SEC23A: variants seen among roughly 807,000 people sequenced by gnomAD.
The protein encoded by SEC23A is SEC23 homolog A, COPII component.
SEC23A carries 56 observed loss-of-function variants against 103.7 expected under a neutral mutation model. That is an observed-to-expected ratio of 0.54 (90% CI 0.44 to 0.67). The LOEUF (loss-of-function observed/expected upper bound fraction) is 0.67. Ranked by LOEUF, SEC23A falls within the 30% of genes least tolerant of loss-of-function variation. SEC23A has a pLI of 0.00. For synonymous variants in SEC23A, 281 were observed against 293.0 expected (o/e 0.96, Z 0.42); for missense variants, 784 against 936.4 (o/e 0.84, Z 2.12).
At chr14:39,094,769 G>A (rs144297303) in intron 2 of SEC23A, 50 of 464,932 alleles carry the variant, frequency 1.1e-4, no homozygotes, top group African/African-American at 9.1e-4. Context: ...CAAGGTAGGA[G>A]TAAGTTTGGT....
intron 1 of SEC23A, among the ~76,000 whole-genome samples, chr14:39,098,007 T>G (rs1887946457): frequency 6.6e-6 from 1 of 151,816 alleles, no homozygotes; most frequent in South Asian, 2.1e-4. Context: ...GAGAATCGCT[T>G]GAACTGGGGG....
intron 7 of SEC23A, among the ~76,000 whole-genome samples, chr14:39,078,794 T>C (rs566775519): frequency 6.6e-6 from 1 of 151,802 alleles, no homozygotes; most frequent in South Asian, 2.1e-4. Flanking sequence ...CTCATATAAA[T>C]AGGAGCAAAG....
intron 7 of SEC23A, among the ~76,000 whole-genome samples, chr14:39,081,873 ATCT>A (rs1373256827): frequency 3.3e-5 from 5 of 152,346 alleles, no homozygotes; most frequent in African/African-American, 9.6e-5. Context: ...ATGCACATAC[ATCT>A]TCTTCTTAGC....
chr14:39,066,847 AG>A (rs909809799), intron 10 of SEC23A, among the ~76,000 whole-genome samples: 2 of 152,216 alleles, frequency 1.3e-5, no homozygotes, highest in Admixed American at 1.3e-4. Flanking sequence ...TGGGCGACAG[AG>A]GAAGACTCTG....
At chr14:39,043,023 C>T in intron 16 of SEC23A, 151 bp from the exon 17 acceptor site, 1 of 588,712 alleles carries the variant, frequency 1.7e-6, no homozygotes, top group Non-Finnish European at 3.0e-6. Flanking sequence ...GTCACCTAGG[C>T]TGGTGTGCAG....
intron 10 of SEC23A, among the ~76,000 whole-genome samples, chr14:39,065,360 A>C (rs8014485): frequency 0.016 from 2,477 of 152,072 alleles, 72 homozygotes; most frequent in African/African-American, 0.057. Context: ...GTCTCCCCCC[A>C]GTCTCTCCTG....
chr14:39,102,708 G>A (rs1226617061), intron 1 of SEC23A, among the ~76,000 whole-genome samples: 1 of 151,904 alleles, frequency 6.6e-6, no homozygotes, highest in East Asian at 1.9e-4. Flanking sequence ...AAGTCCAAGG[G>A]CCCAGAGGCG....
At chr14:39,041,398 C>A (rs374829109) in intron 17 of SEC23A, 4 of 2,130 alleles carry the variant, frequency 1.9e-3, no homozygotes, top group South Asian at 0.011. Context: ...CACCATAAAA[C>A]AAAGAAAAAG....
intron 5 of SEC23A, chr14:39,090,977 C>A: frequency 2.8e-6 from 1 of 351,026 alleles, no homozygotes. Context: ...ACAGTTGGTG[C>A]TGCACCTGCA....
In SEC23A at chr14:39,087,114, T is replaced by A; in HGVS notation, c.604-106A>T. The A allele has an allele frequency of 8.2e-6, 6 of 734,002 alleles. No homozygotes were observed. The Admixed American group carries it at 8.5e-5, about 10-fold the overall frequency. The allele number at this position is 734,002 out of a possible 1,614,324, so 45.5% of individuals were successfully genotyped here. A position where few individuals can be genotyped will look rare whatever the true frequency, so the allele number is the denominator to read the frequency against. On this transcript the variant is annotated intron_variant, in intron 5 of 19. Coordinates refer to ENST00000307712, the MANE Select transcript of SEC23A (RefSeq NM_006364.4). ...GTGCTAGACATTAGAAACACAAAAA[T>A]AAAAAATACAAGGTCTCCTTCCTCA... is the stretch of plus-strand genomic sequence containing the variant.
intron 9 of SEC23A, among the ~76,000 whole-genome samples, chr14:39,070,247 T>G (rs1886799962): frequency 6.6e-6 from 1 of 152,254 alleles, no homozygotes; most frequent in East Asian, 1.9e-4. Context: ...TCATTCATAT[T>G]TATTAGATGA....
chr14:39,098,699 G>A (rs1012258824), intron 1 of SEC23A, among the ~76,000 whole-genome samples: 8 of 151,674 alleles, frequency 5.3e-5, no homozygotes, highest in South Asian at 2.1e-4. Flanking sequence ...ACTTGAACCC[G>A]GGAGGTGGAG....
intron 9 of SEC23A, among the ~76,000 whole-genome samples, chr14:39,071,823 C>T (rs1566499151): frequency 6.6e-6 from 1 of 152,204 alleles, no homozygotes; most frequent in South Asian, 2.1e-4. Context: ...GAGATCACGC[C>T]ACTGCACTCC....
chr14:39,093,396 A>G (rs970964711), intron 2 of SEC23A, 152 bp from the exon 3 acceptor site: 2 of 611,362 alleles, frequency 3.3e-6, no homozygotes, highest in African/African-American at 3.7e-5. Context: ...AGTTTTAGAT[A>G]CTGCCAATAT....
At chr14:39,071,699 C>T (rs1221910099) in intron 9 of SEC23A, among the ~76,000 whole-genome samples, 1 of 151,852 alleles carries the variant, frequency 6.6e-6, no homozygotes, top group Admixed American at 6.6e-5. Context: ...CCAGTCTCTA[C>T]TAAAAATACA....
chr14:39,055,092 A>C, intron 14 of SEC23A, 51 bp downstream of exon 14: 2 of 1,602,828 alleles, frequency 1.2e-6, no homozygotes, highest in South Asian at 2.2e-5. Flanking sequence ...ACAAACATTT[A>C]CTACAAATGA....
chr14:39,046,078 T>C (rs1486064867), intron 15 of SEC23A, among the ~76,000 whole-genome samples: 3 of 152,186 alleles, frequency 2.0e-5, no homozygotes, highest in Non-Finnish European at 4.4e-5. Flanking sequence ...CCCCTGCACA[T>C]GCTCTCTTGC....
chr14:39,054,583 C>T (rs1407555802), intron 14 of SEC23A, among the ~76,000 whole-genome samples: 2 of 151,992 alleles, frequency 1.3e-5, no homozygotes, highest in East Asian at 1.9e-4. Flanking sequence ...GTGATCCTCC[C>T]GCCTCAGCCT....
At position 39,076,016 on chromosome 14, in the gene SEC23A, A is replaced by G; in HGVS notation, c.906T>C (p.Val302=). The change falls in exon 8 of 20, where the codon GTT becomes GTC. Residue 302 remains valine, a synonymous_variant. Transcript: ENST00000307712. ...TTATAGGTGTCTTCAACTCATCTCC[A>G]ACCACCATTCCAGGCCCCTGAGTAG... ...GPATQGPGMV[V]GDELKTPIRS... is the part of the protein sequence containing the mutation. 1 of 1,613,942 alleles carries G rather than the reference A, an allele frequency of 6.2e-7. No homozygotes were observed.
Sources: allele counts gnomAD v4.1 joint callset (sites outside exome capture counted in the v4.1 genomes callset), GRCh38; gene constraint gnomAD v4.1.1; transcripts MANE v1.5; gene names NCBI Gene and HGNC (gene_info 2026-07-23, HGNC 2026-07-21).